Variants in GABRA5 observed in about 807,000 individuals in gnomAD.
GABRA5 encodes the protein gamma-aminobutyric acid receptor subunit alpha-5.
GABRA5 carries 18 observed loss-of-function variants against 47.3 expected under a neutral mutation model. The observed-to-expected ratio is 0.38, with a 90% confidence interval of 0.26 to 0.56. The LOEUF is 0.56. GABRA5 is among the 20% of genes least tolerant of loss of function. The probability of loss-of-function intolerance (pLI) is 0.71; values close to 1 mark genes in which losing one functional copy is unlikely to be tolerated. For missense variants in GABRA5, 365 were observed against 599.3 expected (o/e 0.61, Z 4.08); for synonymous variants, 237 against 229.3 (o/e 1.03, Z -0.30).
At chr15:26,943,156 T>C in intron 9 of GABRA5, 59 bp from the exon 10 acceptor site, 1 of 1,283,474 alleles carries the variant, frequency 7.8e-7, no homozygotes, top group South Asian at 1.3e-5. Flanking sequence ...ACTGGGGTCC[T>C]GGGTGCCAGC....
At chr15:26,910,244 G>A (rs1185389810) in intron 6 of GABRA5, among the ~76,000 whole-genome samples, 2 of 152,016 alleles carry the variant, frequency 1.3e-5, no homozygotes, top group Non-Finnish European at 2.9e-5. Flanking sequence ...TCTTTCTTGA[G>A]TTTAGGACCC....
intron 7 of GABRA5, among the ~76,000 whole-genome samples, chr15:26,928,759 A>G (rs1356882887): frequency 1.3e-5 from 2 of 152,236 alleles, no homozygotes; most frequent in Non-Finnish European, 2.9e-5. Flanking sequence ...TAAAAACACC[A>G]GAAACTTATT....
chr15:26,910,471 A>G lies in GABRA5; in HGVS notation c.498-4332A>G, dbSNP rs763934290. Among the ~76,000 whole-genome samples the G allele has an allele frequency of 9.8e-4, 149 of 151,928 alleles. 1 individual carries two copies. Among genetic ancestry groups the G allele is most frequent in the Admixed American group, 3.3e-4 (5 of 15,254 alleles). On this transcript the variant is annotated intron_variant, in intron 6 of 10. Transcript: ENST00000335625. ...AAAAATTAGGTGGGCGTGATTGCGG[A>G]CACCTGTAATCCCAGCTACTCTGGA...
At chr15:26,875,144 C>T (rs1892562475) in intron 3 of GABRA5, among the ~76,000 whole-genome samples, 1 of 152,238 alleles carries the variant, frequency 6.6e-6, no homozygotes, top group Admixed American at 6.5e-5. Flanking sequence ...AAGCCCAGGT[C>T]TGTGTCAGGG....
intron 6 of GABRA5, among the ~76,000 whole-genome samples, chr15:26,888,523 A>G (rs953716823): frequency 3.9e-5 from 6 of 152,032 alleles, no homozygotes; most frequent in Non-Finnish European, 7.4e-5. Context: ...TAGGGTCCAG[A>G]TGGATGACCG....
chr15:26,930,692 C>T (rs1470742663), intron 7 of GABRA5, among the ~76,000 whole-genome samples: 2 of 152,086 alleles, frequency 1.3e-5, no homozygotes, highest in African/African-American at 2.4e-5. Flanking sequence ...TTTCTGGGCC[C>T]TCACCAGAGT....
At chr15:26,884,196 GA>G (rs796084162) in intron 6 of GABRA5, among the ~76,000 whole-genome samples, 2 of 143,802 alleles carry the variant, frequency 1.4e-5, no homozygotes, top group African/African-American at 5.1e-5. Context: ...CTCGAAAAAA[GA>G]AAAAAAAAAG....
chr15:26,926,585 C>T (rs1042827099), intron 7 of GABRA5, among the ~76,000 whole-genome samples: 3 of 152,128 alleles, frequency 2.0e-5, no homozygotes, highest in Admixed American at 6.5e-5. Context: ...ACAAAGGACC[C>T]TCTGAAGATC....
At chr15:26,899,868 A>G (rs1273419479) in intron 6 of GABRA5, among the ~76,000 whole-genome samples, 1 of 152,138 alleles carries the variant, frequency 6.6e-6, no homozygotes, top group African/African-American at 2.4e-5. Flanking sequence ...TAATTGAAGT[A>G]TTTAGTCCAT....
intron 3 of GABRA5, among the ~76,000 whole-genome samples, chr15:26,869,565 A>T (rs1013972548): frequency 1.3e-5 from 2 of 152,220 alleles, no homozygotes; most frequent in African/African-American, 4.8e-5. Flanking sequence ...AAAAAGGCAG[A>T]TTATGTTTTC....
At chr15:26,924,680 T>C (rs999750403) in intron 7 of GABRA5, among the ~76,000 whole-genome samples, 1 of 152,162 alleles carries the variant, frequency 6.6e-6, no homozygotes, top group African/African-American at 2.4e-5. Context: ...CTGTTCAGCA[T>C]TTGCTAGCCT....
chr15:26,879,234 A>G (rs1001378445), intron 3 of GABRA5, among the ~76,000 whole-genome samples: 1 of 152,212 alleles, frequency 6.6e-6, no homozygotes, highest in African/African-American at 2.4e-5. Flanking sequence ...CTCGGTGACA[A>G]TTATGAAGTC....
intron 7 of GABRA5, among the ~76,000 whole-genome samples, chr15:26,920,653 T>C (rs1470431625): frequency 6.6e-6 from 1 of 152,174 alleles, no homozygotes; most frequent in Non-Finnish European, 1.5e-5. Context: ...TTCTTTATAT[T>C]CTGTATTTGG....
In GABRA5 at chr15:26,913,173, ACT is replaced by A. The variant is rs1215661733; in HGVS notation, c.498-1627_498-1626del. Among the ~76,000 whole-genome samples the A allele has an allele frequency of 7.5e-5, 10 of 133,804 alleles. No individual in the cohort carries two copies. In the East Asian group the frequency reaches 2.2e-3, roughly 29 times the overall value. The allele number at this position is 133,804 out of a possible 152,430, so 87.8% of individuals were successfully genotyped here. A position where few individuals can be genotyped will look rare whatever the true frequency, so the allele number is the denominator to read the frequency against. On this transcript the variant is annotated intron_variant, in intron 6 of 10. Coordinates refer to ENST00000335625, the MANE Select transcript of GABRA5 (RefSeq NM_000810.4). ...ACTCCAGCCTGGGCAACAGAGCAAG[ACT>A]CTGTCTCAAAAAAAAAAAAAAAAAA...
intron 6 of GABRA5, among the ~76,000 whole-genome samples, chr15:26,896,930 AGAGAAAAAAATCTCTACATCTTACAGAT>A (rs1893207362): frequency 5.0e-5 from 2 of 40,228 alleles, no homozygotes; most frequent in Non-Finnish European, 1.3e-4. Flanking sequence ...ATTAATATGT[AGAGAAAAAAATCTCTACATCTTACAGAT>A]GTAGAGAAAA....
rs766376808 is a variant in GABRA5, at chr15:26,947,903, C to T, written c.1090-31C>T. The T allele has an allele frequency of 6.0e-5, 92 of 1,536,086 alleles. No homozygotes were observed. The East Asian group carries it at 9.9e-4, about 17-fold the overall frequency. On this transcript the variant is annotated intron_variant, in intron 10 of 10. Coordinates refer to ENST00000335625, the MANE Select transcript of GABRA5 (RefSeq NM_000810.4). Reference sequence around the variant, plus strand: ...TGAGCTGACCATTGCCTGCAAATGGCGTGTCCTTACATTCGTATTATATTT... The same window carrying T: ...TGAGCTGACCATTGCCTGCAAATGGTGTGTCCTTACATTCGTATTATATTT...
intron 6 of GABRA5, among the ~76,000 whole-genome samples, chr15:26,911,831 C>T (rs1268872732): frequency 1.3e-5 from 2 of 152,142 alleles, no homozygotes; most frequent in Non-Finnish European, 1.5e-5. Flanking sequence ...TGCTTCCAGA[C>T]CCAGTGGGAA....
At chr15:26,895,161 A>G (rs1162561780) in intron 6 of GABRA5, among the ~76,000 whole-genome samples, 5 of 151,370 alleles carry the variant, frequency 3.3e-5, no homozygotes, top group Non-Finnish European at 5.9e-5. Flanking sequence ...GTCGCCCACC[A>G]CGTCCTGACC....
Position 26,913,004 on chromosome 15 carries a change from G to A in GABRA5, c.498-1799G>A, listed in dbSNP as rs548779896. ...TTGAGACCAGCCTGGCCAACATGGT[G>A]AAACCATGATTTCTACTAAAAATAC... On this transcript the variant is annotated intron_variant, in intron 6 of 10. Coordinates refer to ENST00000335625, the MANE Select transcript of GABRA5 (RefSeq NM_000810.4). Among the ~76,000 whole-genome samples, 29 of 152,164 alleles carry A rather than the reference G, an allele frequency of 1.9e-4. No individual in the cohort carries two copies. In the South Asian group the frequency reaches 4.4e-3, roughly 23 times the overall value.
Sources: allele counts gnomAD v4.1 joint callset (sites outside exome capture counted in the v4.1 genomes callset), GRCh38; gene constraint gnomAD v4.1.1; transcripts MANE v1.5; gene names NCBI Gene and HGNC (gene_info 2026-07-23, HGNC 2026-07-21).